The following SLC4A4 variants were observed in gnomAD, a reference collection of about 807,000 sequenced individuals.
SLC4A4 encodes solute carrier family 4 member 4.
Under a neutral mutation model 111.5 loss-of-function variants are expected in SLC4A4, and 27 were observed. The ratio of observed to expected loss-of-function variants is 0.24; its 90% CI spans 0.18 to 0.33. The LOEUF is 0.33. SLC4A4 is among the 10% of genes least tolerant of loss of function. The pLI is 1.00. For missense variants in SLC4A4, 909 were observed against 1,315.5 expected (o/e 0.69, Z 4.78); for synonymous variants, 443 against 463.4 (o/e 0.96, Z 0.57).
chr4:71,070,712 G>A (rs1310327496), intron 1 of SLC4A4, among the ~76,000 whole-genome samples: 1 of 152,166 alleles, frequency 6.6e-6, no homozygotes, highest in Non-Finnish European at 1.5e-5. Flanking sequence ...AAACAATTCT[G>A]AAATGCTTCC....
chr4:71,364,231 G>A (rs1267018153), intron 6 of SLC4A4, among the ~76,000 whole-genome samples: 2 of 152,064 alleles, frequency 1.3e-5, no homozygotes, highest in African/African-American at 2.4e-5. Context: ...CAATTCTTTG[G>A]CAAATGTTTA....
chr4:71,302,275 C>A (rs1305016448), intron 3 of SLC4A4, among the ~76,000 whole-genome samples: 1 of 152,056 alleles, frequency 6.6e-6, no homozygotes, highest in East Asian at 1.9e-4. Context: ...TTTTAAAAAT[C>A]TTGATTCTGC....
At chr4:71,093,140 G>A (rs1431192507) in intron 2 of SLC4A4, among the ~76,000 whole-genome samples, 1 of 152,004 alleles carries the variant, frequency 6.6e-6, no homozygotes, top group Non-Finnish European at 1.5e-5. Context: ...AACCAGTCTT[G>A]TATTTTGACC....
intron 3 of SLC4A4, among the ~76,000 whole-genome samples, chr4:71,316,557 AAATTT>A (rs759587552): frequency 1.3e-4 from 20 of 152,186 alleles, no homozygotes; most frequent in Non-Finnish European, 4.4e-5. Flanking sequence ...TGATTTTTAA[AAATTT>A]AATTTAAAGT....
At position 71,216,118 on chromosome 4, in the gene SLC4A4, A is replaced by G. The variant is rs575557183; in HGVS notation, c.-1-20458A>G. On this transcript the variant is annotated intron_variant, in intron 1 of 25. Transcript: ENST00000264485. ...GAGACGGGGTTTCACCATGTTGGCC[A>G]TGCTGGTCTCGAACTCCTGGCCTCA... is the stretch of plus-strand genomic sequence containing the variant. 2.6e-5 allele frequency among the ~76,000 whole-genome samples: 4 copies of G among 151,958 alleles called. No individual in the cohort carries two copies. In the South Asian group the frequency reaches 8.3e-4, roughly 32 times the overall value.
At chr4:71,221,567 A>G (rs1013105503) in intron 1 of SLC4A4, among the ~76,000 whole-genome samples, 1 of 152,320 alleles carries the variant, frequency 6.6e-6, no homozygotes, top group Middle Eastern at 3.4e-3. Context: ...AAAAACACCA[A>G]CAATAAGCTC....
chr4:71,150,140 C>T (rs905630145), intron 2 of SLC4A4, among the ~76,000 whole-genome samples: 20 of 152,052 alleles, frequency 1.3e-4, no homozygotes, highest in Non-Finnish European at 2.4e-4. Context: ...TGTTATTAAT[C>T]TTTGGTATTG....
chr4:71,145,788 G>T (rs1170516315), intron 2 of SLC4A4, among the ~76,000 whole-genome samples: 1 of 152,088 alleles, frequency 6.6e-6, no homozygotes, highest in Non-Finnish European at 1.5e-5. Context: ...GGGATCGGTG[G>T]TGATATCCCC....
chr4:71,283,298 G>T (rs1222163276), intron 3 of SLC4A4, among the ~76,000 whole-genome samples: 2 of 152,256 alleles, frequency 1.3e-5, no homozygotes, highest in East Asian at 1.9e-4. Context: ...CTCTTTCATG[G>T]CAATGTTTTT....
At chr4:71,426,545 C>T (rs1027116738) in intron 7 of SLC4A4, among the ~76,000 whole-genome samples, 1 of 152,094 alleles carries the variant, frequency 6.6e-6, no homozygotes, top group African/African-American at 2.4e-5. Flanking sequence ...AACCATCATG[C>T]TCTCAGATTT....
intron 2 of SLC4A4, among the ~76,000 whole-genome samples, chr4:71,123,608 G>A (rs1320092136): frequency 6.6e-6 from 1 of 152,056 alleles, no homozygotes; most frequent in South Asian, 2.1e-4. Context: ...AAAAAAATTA[G>A]CAACAGTAAA....
chr4:71,513,973 T>A (rs2149179567), intron 16 of SLC4A4, among the ~76,000 whole-genome samples: 1 of 152,370 alleles, frequency 6.6e-6, no homozygotes, highest in African/African-American at 2.4e-5. Context: ...CCTGCATCCC[T>A]GGGATAAATC....
chr4:71,360,156 G>A (rs925944416), intron 6 of SLC4A4, among the ~76,000 whole-genome samples: 17 of 152,068 alleles, frequency 1.1e-4, no homozygotes, highest in African/African-American at 4.1e-4. Flanking sequence ...ACATTTTACT[G>A]TAGTCTGTGC....
At chr4:71,496,160 A>ATTTC (rs1730386809) in intron 15 of SLC4A4, among the ~76,000 whole-genome samples, 2 of 152,124 alleles carry the variant, frequency 1.3e-5, no homozygotes, top group Non-Finnish European at 2.9e-5. Flanking sequence ...ATTGAATACT[A>ATTTC]AGGGTGATAG....
intron 7 of SLC4A4, among the ~76,000 whole-genome samples, chr4:71,432,176 G>T (rs1242428533): frequency 6.6e-6 from 1 of 152,166 alleles, no homozygotes; most frequent in Non-Finnish European, 1.5e-5. Flanking sequence ...GATAAGAAGT[G>T]TAGGAGTGTA....
intron 2 of SLC4A4, among the ~76,000 whole-genome samples, chr4:71,246,530 T>C (rs2579356): frequency 0.89 from 135,299 of 152,160 alleles, 61,710 homozygotes; most frequent in Non-Finnish European, 0.99. Flanking sequence ...TAAGACTGGC[T>C]GCAGCATTTG....
chr4:71,379,024 C>G (rs917257350), intron 6 of SLC4A4, among the ~76,000 whole-genome samples: 2 of 152,152 alleles, frequency 1.3e-5, no homozygotes, highest in African/African-American at 4.8e-5. Flanking sequence ...TACAACTGCT[C>G]TAATTCAGGT....
intron 12 of SLC4A4, among the ~76,000 whole-genome samples, chr4:71,466,186 C>A (rs1727293151): frequency 6.6e-6 from 1 of 152,120 alleles, no homozygotes; most frequent in South Asian, 2.1e-4. Flanking sequence ...CTTCTACACA[C>A]CAGCCATCAT....
intron 6 of SLC4A4, among the ~76,000 whole-genome samples, chr4:71,377,198 C>T (rs1231569581): frequency 1.3e-5 from 2 of 152,052 alleles, no homozygotes; most frequent in Non-Finnish European, 2.9e-5. Flanking sequence ...GTTCTGAGAC[C>T]AAAAAGTTTG....
Sources: allele counts gnomAD v4.1 joint callset (sites outside exome capture counted in the v4.1 genomes callset), GRCh38; gene constraint gnomAD v4.1.1; transcripts MANE v1.5; gene names NCBI Gene and HGNC (gene_info 2026-07-23, HGNC 2026-07-21).